CDIN1: variants seen among roughly 807,000 people sequenced by gnomAD.
The protein encoded by CDIN1 is CDAN1-interacting nuclease 1.
In CDIN1, 33 loss-of-function variants were observed where a neutral mutation model predicts 45.3. That is an observed-to-expected ratio of 0.73 (90% CI 0.55 to 0.97). The LOEUF (loss-of-function observed/expected upper bound fraction) is 0.97. Among genes scored for constraint, CDIN1 ranks in the 50% least tolerant of loss-of-function variants. CDIN1 has a pLI of 0.00. For missense variants in CDIN1, 303 were observed against 339.4 expected, an observed-to-expected ratio of 0.89 and a Z score of 0.84; for synonymous variants, 118 against 124.4, an observed-to-expected ratio of 0.95 and a Z score of 0.34.
At chr15:36,805,569 T>G (rs959683197) in intron 10 of CDIN1, among the ~76,000 whole-genome samples, 1 of 152,196 alleles carries the variant, frequency 6.6e-6, no homozygotes, top group African/African-American at 2.4e-5. Flanking sequence ...AATAAAAATT[T>G]TCTAGGGTCC....
chr15:36,691,151 A>C (rs760047578), intron 5 of CDIN1: 2 of 518,700 alleles, frequency 3.9e-6, no homozygotes, highest in South Asian at 2.8e-5. Context: ...ATAGGATTTT[A>C]TGGCAGTTGA....
chr15:36,666,676 T>C (rs1431828903), intron 5 of CDIN1, among the ~76,000 whole-genome samples: 2 of 152,212 alleles, frequency 1.3e-5, no homozygotes, highest in Admixed American at 1.3e-4. Flanking sequence ...CTTTTTCTCC[T>C]GGGTTAGAAT....
At chr15:36,752,187 T>A (rs1215664152) in intron 10 of CDIN1, among the ~76,000 whole-genome samples, 1 of 152,244 alleles carries the variant, frequency 6.6e-6, no homozygotes, top group Non-Finnish European at 1.5e-5. Context: ...TTTACCTTCA[T>A]TTAAATAGCT....
intron 5 of CDIN1, among the ~76,000 whole-genome samples, chr15:36,674,587 T>C (rs2041576000): frequency 6.6e-6 from 1 of 152,144 alleles, no homozygotes; most frequent in Non-Finnish European, 1.5e-5. Flanking sequence ...ATGTACAGTA[T>C]AAAACTACCA....
intron 5 of CDIN1, among the ~76,000 whole-genome samples, chr15:36,683,880 G>A (rs2041946651): frequency 7.8e-6 from 1 of 128,402 alleles, no homozygotes; most frequent in Non-Finnish European, 1.7e-5. Context: ...CTCTCTGTCT[G>A]TTGTTGGTGT....
At chr15:36,580,556 T>C (rs372792379) in intron 1 of CDIN1, among the ~76,000 whole-genome samples, 5 of 152,242 alleles carry the variant, frequency 3.3e-5, no homozygotes, top group South Asian at 4.1e-4. Context: ...ATGTTATGCA[T>C]ACACACATTC....
chr15:36,617,009 A>C lies in CDIN1; in HGVS notation c.102-27269A>C, dbSNP rs187563726. On this transcript the variant is annotated intron_variant, in intron 1 of 10. Coordinates refer to ENST00000566621, the MANE Select transcript of CDIN1 (RefSeq NM_001321759.2). ...TTTCAGAACAAAAACTTATTTAAAA[A>C]ATTTATTCTGTTGGGGCACGGGCCT... 474 of 677,366 alleles carry C rather than the reference A, an allele frequency of 7.0e-4. No individual in the cohort carries two copies. In the African/African-American group the frequency reaches 7.7e-3, roughly 11 times the overall value. 42.0% of individuals were successfully genotyped at this position (677,366 alleles called of 1,614,324 possible). A position where few individuals can be genotyped will look rare whatever the true frequency, so the allele number is the denominator to read the frequency against.
Position 36,625,455 on chromosome 15 carries a change from G to A in CDIN1, c.102-18823G>A, listed in dbSNP as rs1400444320. On this transcript the variant is annotated intron_variant, in intron 1 of 10. Transcript: ENST00000566621. ...TAGGATGTCTTATGTATTCTAGCAGGATTTCATACATTGAAGAATTCTCTG... is the reference window on the plus strand; with the variant it reads ...TAGGATGTCTTATGTATTCTAGCAGAATTTCATACATTGAAGAATTCTCTG... 2.0e-5 allele frequency among the ~76,000 whole-genome samples: 3 copies of A among 152,188 alleles called. No individual in the cohort carries two copies. In the East Asian group the frequency reaches 5.8e-4, roughly 29 times the overall value.
At chr15:36,645,494 T>TTGTGTGTG (rs57349735) in intron 3 of CDIN1, among the ~76,000 whole-genome samples, 73 of 143,466 alleles carry the variant, frequency 5.1e-4, no homozygotes, top group South Asian at 1.2e-3. Context: ...CTGTCTTGAC[T>TTGTGTGTG]TGTGTGTGTG....
At chr15:36,726,345 A>G (rs1193930946) in intron 10 of CDIN1, among the ~76,000 whole-genome samples, 1 of 152,078 alleles carries the variant, frequency 6.6e-6, no homozygotes, top group Non-Finnish European at 1.5e-5. Context: ...CTTCAGTTCC[A>G]ATTTCCTGGT....
intron 10 of CDIN1, among the ~76,000 whole-genome samples, chr15:36,787,578 A>G (rs2141073668): frequency 6.6e-6 from 1 of 152,358 alleles, no homozygotes; most frequent in South Asian, 2.1e-4. Flanking sequence ...TCTTAAGATT[A>G]TAGTGAATAT....
chr15:36,790,525 G>A (rs111589159), intron 10 of CDIN1, among the ~76,000 whole-genome samples: 2,576 of 152,240 alleles, frequency 0.017, 61 homozygotes, highest in African/African-American at 0.059. Context: ...AGAAAAGAGG[G>A]CCTTAATTGT....
chr15:36,623,811 T>C (rs552892803), intron 1 of CDIN1, among the ~76,000 whole-genome samples: 3 of 152,360 alleles, frequency 2.0e-5, no homozygotes, highest in African/African-American at 7.2e-5. Context: ...TTGTGAAACA[T>C]TGACATACTG....
At chr15:36,779,622 A>G (rs2054301031) in intron 10 of CDIN1, among the ~76,000 whole-genome samples, 1 of 152,146 alleles carries the variant, frequency 6.6e-6, no homozygotes, top group Non-Finnish European at 1.5e-5. Context: ...GGCATTCTCC[A>G]TTCGTGTTTT....
intron 7 of CDIN1, 23 bp from the exon 8 acceptor site, chr15:36,697,299 AC>A: frequency 6.2e-7 from 1 of 1,607,374 alleles, no homozygotes; most frequent in Non-Finnish European, 8.5e-7. Context: ...TGCCTGTGTT[AC>A]CCCCTTAACT....
At chr15:36,702,976 G>A (rs1450641568) in intron 8 of CDIN1, among the ~76,000 whole-genome samples, 4 of 151,152 alleles carry the variant, frequency 2.6e-5, no homozygotes, top group Non-Finnish European at 5.9e-5. Context: ...TGAGGTGGGA[G>A]GATTGCTTGA....
chr15:36,625,869 C>T (rs1210411659), intron 1 of CDIN1, among the ~76,000 whole-genome samples: 1 of 152,064 alleles, frequency 6.6e-6, no homozygotes, highest in Non-Finnish European at 1.5e-5. Context: ...GAAATTTGTT[C>T]TCTTGTTGAA....
chr15:36,784,369 C>G (rs947886424), intron 10 of CDIN1, among the ~76,000 whole-genome samples: 11 of 152,082 alleles, frequency 7.2e-5, no homozygotes, highest in Admixed American at 5.9e-4. Context: ...CCAGTTATTC[C>G]TAGGGAGAAA....
chr15:36,788,448 T>C (rs2141078681), intron 10 of CDIN1, among the ~76,000 whole-genome samples: 1 of 152,276 alleles, frequency 6.6e-6, no homozygotes, highest in Non-Finnish European at 1.5e-5. Flanking sequence ...TTTAATTTTT[T>C]TGAAGCTCTA....
Sources: allele counts gnomAD v4.1 joint callset (sites outside exome capture counted in the v4.1 genomes callset), GRCh38; gene constraint gnomAD v4.1.1; transcripts MANE v1.5; gene names NCBI Gene and HGNC (gene_info 2026-07-23, HGNC 2026-07-21).